ANGPT4: variants seen among roughly 807,000 people sequenced by gnomAD.
ANGPT4 encodes the protein angiopoietin-4.
In ANGPT4, 50 loss-of-function variants were observed where a neutral mutation model predicts 53.0. The observed-to-expected ratio is 0.94, with a 90% confidence interval of 0.75 to 1.20. The LOEUF is 1.20. Among genes scored for constraint, ANGPT4 ranks in the 50% most tolerant of loss-of-function variants. ANGPT4 has a pLI of 0.00. For missense variants in ANGPT4, 648 were observed against 637.1 expected (o/e 1.02, Z -0.18); for synonymous variants, 251 against 259.7 (o/e 0.97, Z 0.32).
chr20:874,827 C>T (rs1292613603), intron 7 of ANGPT4, among the ~76,000 whole-genome samples: 1 of 152,194 alleles, frequency 6.6e-6, no homozygotes, highest in Non-Finnish European at 1.5e-5. Flanking sequence ...ATCCTCCCAC[C>T]TCAGTCTCCT....
At chr20:898,082 CT>C (rs367740328) in intron 1 of ANGPT4, among the ~76,000 whole-genome samples, 26 of 151,660 alleles carry the variant, frequency 1.7e-4, no homozygotes, top group African/African-American at 5.8e-4. Flanking sequence ...CATCCCAAAT[CT>C]TTTTTTTTCT....
chr20:880,463 C>T (rs6086326), intron 5 of ANGPT4, among the ~76,000 whole-genome samples: 21,212 of 152,002 alleles, frequency 0.14, 1,637 homozygotes, highest in South Asian at 0.22. Context: ...TGGCATGTGT[C>T]TGTGGTCCCA....
In ANGPT4 at chr20:900,189, T is replaced by C. The variant is rs181923374; in HGVS notation, c.310-9821A>G. On this transcript the variant is annotated intron_variant, in intron 1 of 8. Coordinates refer to ENST00000381922, the MANE Select transcript of ANGPT4 (RefSeq NM_015985.4). The stretch of plus-strand genomic sequence containing the variant: ...ACTCCATCCTTGGCTACCTTCCCCT[T>C]GCTCTTCAGACTCTCCTCCCAGGCC... Among the ~76,000 whole-genome samples, 6 of 152,330 alleles carry C rather than the reference T, an allele frequency of 3.9e-5. No individual in the cohort carries two copies. The East Asian group carries it at 1.2e-3, about 29-fold the overall frequency.
intron 3 of ANGPT4, among the ~76,000 whole-genome samples, chr20:886,826 T>C (rs903536697): frequency 3.9e-5 from 6 of 152,342 alleles, no homozygotes; most frequent in Admixed American, 3.9e-4. Flanking sequence ...GTCACAAAAT[T>C]GTAAGCCCAA....
intron 1 of ANGPT4, among the ~76,000 whole-genome samples, chr20:904,684 T>A (rs1982411353): frequency 6.6e-6 from 1 of 152,222 alleles, no homozygotes; most frequent in Non-Finnish European, 1.5e-5. Flanking sequence ...TGGAGTGCAA[T>A]GGTGTGATCA....
At chr20:876,005 C>T (rs1600040075) in intron 7 of ANGPT4, among the ~76,000 whole-genome samples, 1 of 152,078 alleles carries the variant, frequency 6.6e-6, no homozygotes, top group South Asian at 2.1e-4. Context: ...TGGTGCATGC[C>T]TGTAATTCCA....
intron 1 of ANGPT4, among the ~76,000 whole-genome samples, chr20:895,714 A>G (rs1326373769): frequency 6.6e-6 from 1 of 152,208 alleles, no homozygotes; most frequent in Non-Finnish European, 1.5e-5. Context: ...CCATCCATGC[A>G]GTGGACTCCA....
At chr20:875,626 C>T (rs1981134407) in intron 7 of ANGPT4, among the ~76,000 whole-genome samples, 1 of 152,186 alleles carries the variant, frequency 6.6e-6, no homozygotes, top group African/African-American at 2.4e-5. Flanking sequence ...AGCAGTGCTG[C>T]CCTCGTTTAT....
At position 874,434 on chromosome 20, in the gene ANGPT4, G is replaced by A. The variant is rs781602030; in HGVS notation, c.1221-20C>T. The A allele has an allele frequency of 6.2e-7, 1 of 1,612,388 alleles. No homozygotes were observed. Among genetic ancestry groups the A allele is most frequent in the South Asian group, 1.1e-5 (1 of 90,994 alleles). ...GAAAGCCTGGAGGCCACCCAGAGGTGGTGGTGGCAGAAGGGCCCAGAGTCA... is the reference window on the plus strand; with the variant it reads ...GAAAGCCTGGAGGCCACCCAGAGGTAGTGGTGGCAGAAGGGCCCAGAGTCA... On this transcript the variant is annotated intron_variant, in intron 7 of 8. Transcript: ENST00000381922.
intron 2 of ANGPT4, among the ~76,000 whole-genome samples, chr20:889,512 T>C (rs938039127): frequency 3.3e-5 from 5 of 152,122 alleles, no homozygotes; most frequent in African/African-American, 1.2e-4. Flanking sequence ...ACAGAAAAGG[T>C]ACAATAAAAA....
intron 2 of ANGPT4, among the ~76,000 whole-genome samples, 164 bp downstream of exon 2, chr20:890,049 T>G (rs1003245427): frequency 3.9e-5 from 6 of 152,042 alleles, no homozygotes; most frequent in African/African-American, 7.3e-5. Flanking sequence ...TGGAGAGAGA[T>G]AGTTTTATGA....
intron 4 of ANGPT4, among the ~76,000 whole-genome samples, chr20:883,039 C>T (rs1334218580): frequency 6.6e-6 from 1 of 152,232 alleles, no homozygotes; most frequent in Admixed American, 6.5e-5. Context: ...CTGTGCTGAA[C>T]CCTTTTGTAT....
rs774314576 is a variant in ANGPT4, at chr20:885,095, G to C, written c.818C>G (p.Ala273Gly). 1.2e-6 allele frequency: 2 copies of C among 1,613,706 alleles called. No individual in the cohort carries two copies. ...TCACTCACCCGGGGCCGAGGCGTTA[G>C]CCCTTTCTTGCACCAGGTGCCGCAA... is the stretch of plus-strand genomic sequence containing the variant. ...VLLRHLVQERANASAPAFIMA... is the reference protein window; with the variant it reads ...VLLRHLVQERGNASAPAFIMA... Residue 273 changes from alanine to glycine, a missense_variant, in exon 4 of 9, where the codon GCT becomes GGT. Coordinates refer to ENST00000381922, the MANE Select transcript of ANGPT4 (RefSeq NM_015985.4).
At chr20:879,145 TGAACAGCAA>T (rs1273754619) in intron 6 of ANGPT4, among the ~76,000 whole-genome samples, 2 of 152,252 alleles carry the variant, frequency 1.3e-5, no homozygotes, top group African/African-American at 4.8e-5. Context: ...ATTCCTTAAA[TGAACAGCAA>T]GCAGACGCAA....
chr20:915,273 C>G (rs1259088920), intron 1 of ANGPT4, among the ~76,000 whole-genome samples: 1 of 152,054 alleles, frequency 6.6e-6, no homozygotes, highest in African/African-American at 2.4e-5. Context: ...CTCAGACCTC[C>G]CCGCACCCTT....
intron 7 of ANGPT4, among the ~76,000 whole-genome samples, chr20:875,698 A>G (rs77815363): frequency 0.029 from 4,443 of 152,286 alleles, 216 homozygotes; most frequent in African/African-American, 0.1. Flanking sequence ...TGAGTGCTCA[A>G]CATTCAGTGC....
Position 872,975 on chromosome 20 carries a change from C to T in ANGPT4, c.1497G>A (p.Arg499=). 1 of 1,614,050 alleles carries T rather than the reference C, an allele frequency of 6.2e-7. No individual in the cohort carries two copies. Among genetic ancestry groups the T allele is most frequent in the Non-Finnish European group, 8.5e-7 (1 of 1,180,018 alleles). Residue 499 remains arginine, a synonymous_variant, in exon 9 of 9, where the codon CGG becomes CGA. Transcript: ENST00000381922. ...CAGCTGCTCGTTAGATGTCCAAAGGCCGTATCATCATGCGAGAGGCACGCA... is the reference window on the plus strand; with the variant it reads ...CAGCTGCTCGTTAGATGTCCAAAGGTCGTATCATCATGCGAGAGGCACGCA... The part of the protein sequence containing the change: ...YSLRASRMMI[R]PLDI
At position 888,413 on chromosome 20, in the gene ANGPT4, A is replaced by C; in HGVS notation, c.492T>G (p.Asp164Glu). The C allele has an allele frequency of 1.2e-6, 2 of 1,613,444 alleles. No individual in the cohort carries two copies. The highest frequency in any genetic ancestry group is 1.1e-5 in the South Asian group (1 of 91,072). Residue 164 changes from aspartate to glutamate, a missense_variant, in exon 3 of 9, where the codon GAT (aspartate) becomes GAG (glutamate). By Grantham distance (45) the Asp-to-Glu change is conservative. Coordinates refer to ENST00000381922, the MANE Select transcript of ANGPT4 (RefSeq NM_015985.4). ...AQLLNQTSRM[D>E]AQMPETFLST... is the part of the protein sequence containing the mutation. ...ACAGAAAGGTCTCTGGCATCTGGGC[A>C]TCCATTCTTGATGTCTGGTTCAGGA...
In ANGPT4 at chr20:880,374, C is replaced by T. The variant is rs1363944240; in HGVS notation, c.952-526G>A. Among the ~76,000 whole-genome samples the T allele has an allele frequency of 2.6e-5, 4 of 152,196 alleles. No individual in the cohort carries two copies. In the East Asian group the frequency reaches 5.8e-4, roughly 22 times the overall value. On this transcript the variant is annotated intron_variant, in intron 5 of 8. Transcript: ENST00000381922. The stretch of plus-strand genomic sequence containing the variant: ...CCGAGGAGGGAGGATCGCTTGAGCT[C>T]AGGAGTTTCAGACCAGCCTGGGAAA...
Sources: allele counts gnomAD v4.1 joint callset (sites outside exome capture counted in the v4.1 genomes callset), GRCh38; gene constraint gnomAD v4.1.1; transcripts MANE v1.5; gene names NCBI Gene and HGNC (gene_info 2026-07-23, HGNC 2026-07-21).